Variants in RGPD2 observed in about 807,000 individuals in gnomAD.
The protein encoded by RGPD2 is RANBP2-like and GRIP domain-containing protein 2.
Under a neutral mutation model 36.0 loss-of-function variants are expected in RGPD2, and 2 were observed. The ratio of observed to expected loss-of-function variants is 0.06; its 90% CI spans 0.02 to 0.17. The LOEUF is 0.17. Among genes scored for constraint, RGPD2 ranks in the 10% least tolerant of loss-of-function variants. The pLI is 1.00. For missense variants in RGPD2, 40 were observed against 464.3 expected (o/e 0.09, Z 8.40); for synonymous variants, 19 against 163.8 (o/e 0.12, Z 6.75).
chr2:87,973,873 A>G, the RGPD2 span, among the ~76,000 whole-genome samples: 1 of 147,516 alleles, frequency 6.8e-6, no homozygotes, highest in African/African-American at 2.5e-5. Context: ...AATTCATGTA[A>G]AGCACTTAAA....
At chr2:87,922,304 A>C in the RGPD2 span, among the ~76,000 whole-genome samples, 3 of 151,818 alleles carry the variant, frequency 2.0e-5, no homozygotes, top group Non-Finnish European at 4.4e-5. Flanking sequence ...AAAAAAAAAA[A>C]AAAAAAAAAA....
At chr2:87,973,863 A>C in the RGPD2 span, among the ~76,000 whole-genome samples, 1 of 148,084 alleles carries the variant, frequency 6.8e-6, no homozygotes, top group African/African-American at 2.5e-5. Context: ...AGGATTAAAC[A>C]ATTCATGTAA....
chr2:87,972,013 T>G, the RGPD2 span, among the ~76,000 whole-genome samples: 6 of 147,986 alleles, frequency 4.1e-5, no homozygotes, highest in African/African-American at 1.5e-4. Context: ...ACTGTAAAAC[T>G]AAAACATAAA....
the RGPD2 span, among the ~76,000 whole-genome samples, chr2:87,882,091 T>C: frequency 6.6e-6 from 1 of 152,194 alleles, no homozygotes; most frequent in Non-Finnish European, 1.5e-5. Flanking sequence ...TCTATCTCCA[T>C]GACATAAACC....
At chr2:87,919,974 G>A in the RGPD2 span, among the ~76,000 whole-genome samples, 32 of 151,926 alleles carry the variant, frequency 2.1e-4, 1 homozygote, top group African/African-American at 7.7e-4. Flanking sequence ...TTCTGCCATA[G>A]TGCATTCCTA....
the RGPD2 span, among the ~76,000 whole-genome samples, chr2:87,952,706 T>G: frequency 1.3e-5 from 2 of 152,144 alleles, no homozygotes; most frequent in Non-Finnish European, 2.9e-5. Flanking sequence ...TCAGTTTATT[T>G]GGAAACTTGT....
the RGPD2 span, among the ~76,000 whole-genome samples, chr2:87,893,518 G>GCTTTCTTATTAGCTTATTAGGCTTATTA: frequency 8.3e-5 from 11 of 132,694 alleles, no homozygotes; most frequent in Admixed American, 2.9e-4. Context: ...AGCTTATAAG[G>GCTTTCTTATTAGCTTATTAGGCTTATTA]GGCTTTCTAT....
chr2:87,986,010 G>A, the RGPD2 span: 372 of 808,706 alleles, frequency 4.6e-4, 2 homozygotes, highest in African/African-American at 6.0e-3. Flanking sequence ...ACTATGTAAA[G>A]GCCAATTATT....
the RGPD2 span, among the ~76,000 whole-genome samples, chr2:87,956,380 A>G: frequency 6.6e-6 from 1 of 151,996 alleles, no homozygotes. Flanking sequence ...AATTATACAT[A>G]TATTTTATAT....
At chr2:87,988,542 T>TATATATATATATATATATA in the RGPD2 span, among the ~76,000 whole-genome samples, 1,648 of 36,464 alleles carry the variant, frequency 0.045, 82 homozygotes, top group Non-Finnish European at 0.063. Context: ...TATATATATA[T>TATATATATATATATATATA]TTTTTTTTTT....
chr2:87,879,121 A>T, the RGPD2 span, among the ~76,000 whole-genome samples: 1 of 152,166 alleles, frequency 6.6e-6, no homozygotes, highest in Non-Finnish European at 1.5e-5. Context: ...TAATTATATC[A>T]TCATTCTATT....
the RGPD2 span, among the ~76,000 whole-genome samples, chr2:87,855,277 G>A: frequency 2.0e-5 from 3 of 151,950 alleles, no homozygotes; most frequent in Non-Finnish European, 4.4e-5. Context: ...GTATGGTAGC[G>A]CTATGTTTAG....
At chr2:87,813,932 G>C (rs1686206589) in intron 4 of RGPD2, among the ~76,000 whole-genome samples, 1 of 150,778 alleles carries the variant, frequency 6.6e-6, no homozygotes, top group Non-Finnish European at 1.5e-5. Flanking sequence ...GTGCCTTCAA[G>C]TTATTAAAGA....
the RGPD2 span, among the ~76,000 whole-genome samples, chr2:87,864,576 T>TGATTGATA: frequency 6.6e-6 from 1 of 151,412 alleles, no homozygotes; most frequent in Admixed American, 6.6e-5. Context: ...CATAGATAGA[T>TGATTGATA]GATAGATAGA....
chr2:87,978,964 G>T, the RGPD2 span, among the ~76,000 whole-genome samples: 2 of 151,050 alleles, frequency 1.3e-5, no homozygotes, highest in East Asian at 4.0e-4. Context: ...GCCGGGCATG[G>T]TGGCTCACAC....
chr2:87,976,374 G>A, the RGPD2 span, among the ~76,000 whole-genome samples: 2 of 152,156 alleles, frequency 1.3e-5, no homozygotes, highest in East Asian at 3.9e-4. Context: ...AAAAGGGGAA[G>A]AGCATTAACC....
At chr2:87,840,204 A>G in the RGPD2 span, among the ~76,000 whole-genome samples, 1 of 130,636 alleles carries the variant, frequency 7.7e-6, no homozygotes, top group Non-Finnish European at 1.6e-5. Flanking sequence ...CGACACCAAT[A>G]TACTCAGAGG....
At chr2:87,962,379 A>G in the RGPD2 span, among the ~76,000 whole-genome samples, 1 of 150,338 alleles carries the variant, frequency 6.7e-6, no homozygotes, top group African/African-American at 2.4e-5. Context: ...TTGTTTTTCC[A>G]TATTTTCTAA....
chr2:87,771,392 T>TTG (rs1685107718), intron 22 of RGPD2: 1 of 28,248 alleles, frequency 3.5e-5, no homozygotes, highest in Non-Finnish European at 7.5e-5. Context: ...AGTTTTTTTT[T>TTG]TTTTTTTTTT....
Sources: gnomAD v4.1 joint callset for allele counts (sites outside exome capture counted in the v4.1 genomes callset) on GRCh38, gnomAD v4.1.1 for gene constraint, MANE v1.5 for transcripts, NCBI Gene and HGNC (gene_info 2026-07-23, HGNC 2026-07-21) for gene names.